The following SERPINF1 variants were observed in gnomAD, a reference collection of about 807,000 sequenced individuals.
SERPINF1 encodes pigment epithelium-derived factor.
In SERPINF1, 29 loss-of-function variants were observed where a neutral mutation model predicts 37.3. The ratio of observed to expected loss-of-function variants is 0.78; its 90% CI spans 0.58 to 1.06. The LOEUF (loss-of-function observed/expected upper bound fraction) is 1.06. Among genes scored for constraint, SERPINF1 ranks in the 50% least tolerant of loss-of-function variants. The pLI is 0.00. For missense variants in SERPINF1, 553 were observed against 532.2 expected (o/e 1.04, Z -0.38); for synonymous variants, 281 against 227.9 (o/e 1.23, Z -2.10).
In SERPINF1 at chr17:1,772,250, G is replaced by C. The variant is rs571600331; in HGVS notation, c.643+175G>C. On this transcript the variant is annotated intron_variant, in intron 5 of 7. Coordinates refer to ENST00000254722, the MANE Select transcript of SERPINF1 (RefSeq NM_002615.7). ...TTGTGCCTCAGCCTCCCGAGTAGCT[G>C]GGATTACAGGGATGTACCACCACTC... Among the ~76,000 whole-genome samples, 9 of 151,970 alleles carry C rather than the reference G, an allele frequency of 5.9e-5. No individual in the cohort carries two copies. In the East Asian group the frequency reaches 1.6e-3, roughly 26 times the overall value.
chr17:1,764,845 C>T (rs1276233766), intron 1 of SERPINF1, among the ~76,000 whole-genome samples: 25 of 132,162 alleles, frequency 1.9e-4, no homozygotes, highest in Non-Finnish European at 2.3e-4. Flanking sequence ...TTTTTTTTTC[C>T]TTTTTTTTTT....
At position 1,777,380 on chromosome 17, in the gene SERPINF1, A is replaced by G; in HGVS notation, c.1191A>G (p.Val397=). The G allele has an allele frequency of 6.2e-7, 1 of 1,614,016 alleles. No homozygotes were observed. Residue 397 remains valine, a synonymous_variant, in exon 8 of 8, where the codon GTA becomes GTG. Coordinates refer to ENST00000254722, the MANE Select transcript of SERPINF1 (RefSeq NM_002615.7). ...DYHLNQPFIF[V]LRDTDTGALL... ...ACCTTAACCAGCCTTTCATCTTCGTACTGAGGGACACAGACACAGGGGCCC... is the reference window on the plus strand; with the variant it reads ...ACCTTAACCAGCCTTTCATCTTCGTGCTGAGGGACACAGACACAGGGGCCC...
At chr17:1,770,410 T>C (rs1380469271) in intron 3 of SERPINF1, 12 of 387,192 alleles carry the variant, frequency 3.1e-5, no homozygotes, top group Non-Finnish European at 4.8e-5. Context: ...AGGACACAGC[T>C]GGGTTCACAG....
At chr17:1,767,778 C>T (rs1314305304) in intron 2 of SERPINF1, among the ~76,000 whole-genome samples, 1 of 152,200 alleles carries the variant, frequency 6.6e-6, no homozygotes, top group African/African-American at 2.4e-5. Flanking sequence ...CCTAGACAAC[C>T]CTTACCTCAG....
chr17:1,776,993 C>T (rs1908076089), intron 7 of SERPINF1, among the ~76,000 whole-genome samples, 194 bp from the exon 8 acceptor site: 1 of 151,624 alleles, frequency 6.6e-6, no homozygotes, highest in African/African-American at 2.4e-5. Context: ...GTCTGTCTGA[C>T]CTGTTTTCTC....
chr17:1,768,062 C>T (rs376762604), intron 2 of SERPINF1, among the ~76,000 whole-genome samples: 22 of 151,972 alleles, frequency 1.4e-4, no homozygotes, highest in East Asian at 3.9e-4. Flanking sequence ...AATTACCAGG[C>T]GTGGTGGCAA....
intron 5 of SERPINF1, 90 bp downstream of exon 5, chr17:1,772,165 G>A: frequency 7.4e-7 from 1 of 1,346,808 alleles, no homozygotes; most frequent in Non-Finnish European, 1.0e-6. Flanking sequence ...AGTCCTAACT[G>A]GAGTGCAGTG....
rs146337776 is a variant in SERPINF1 at position 1,772,000 on chromosome 17, G to A, written c.568G>A (p.Gly190Arg). 2 of 1,613,856 alleles carry A rather than the reference G, an allele frequency of 1.2e-6. No individual in the cohort carries two copies. Among genetic ancestry groups the A allele is most frequent in the Non-Finnish European group, 1.7e-6 (2 of 1,180,016 alleles). The change falls in exon 5 of 8, where the codon GGG (glycine) becomes AGG (arginine). Residue 190 changes from glycine (G) to arginine (R), a missense_variant. Physicochemically the swap from Gly to Arg is moderately radical, Grantham distance 125. Coordinates refer to ENST00000254722, the MANE Select transcript of SERPINF1 (RefSeq NM_002615.7). ...INNWVQAQMK[G>R]KLARSTKEIP... ...CAACTGGGTGCAGGCGCAGATGAAA[G>A]GGAAGCTCGCCAGGTCCACAAAGGA...
At chr17:1,770,144 C>T in intron 3 of SERPINF1, 94 bp downstream of exon 3, 2 of 1,396,750 alleles carry the variant, frequency 1.4e-6, no homozygotes, top group Middle Eastern at 2.2e-4. Context: ...CATTTCAGTT[C>T]AGCGAGGGGT....
chr17:1,763,518 C>T (rs552876182), intron 1 of SERPINF1, among the ~76,000 whole-genome samples: 2 of 152,292 alleles, frequency 1.3e-5, no homozygotes, highest in South Asian at 4.1e-4. Context: ...AGCCAGCGGT[C>T]GCCTGCTCAG....
Position 1,769,966 on chromosome 17 carries a change from C to G in SERPINF1, c.199C>G (p.Arg67Gly). 1 of 1,614,154 alleles carries G rather than the reference C, an allele frequency of 6.2e-7. No individual in the cohort carries two copies. The highest frequency in any genetic ancestry group is 8.5e-7 in the Non-Finnish European group (1 of 1,179,992). Residue 67 changes from arginine to glycine, a missense_variant, in exon 3 of 8, where the codon CGG (arginine) becomes GGG (glycine). Transcript: ENST00000254722. ...AVSNFGYDLY[R>G]VRSSTSPTTN... ...CTCCAACTTCGGCTATGACCTGTAC[C>G]GGGTGCGATCCAGCACGAGCCCCAC... is the stretch of plus-strand genomic sequence containing the variant.
intron 5 of SERPINF1, 92 bp from the exon 6 acceptor site, chr17:1,774,966 C>G: frequency 6.4e-7 from 1 of 1,554,394 alleles, no homozygotes; most frequent in Non-Finnish European, 8.9e-7. Flanking sequence ...TTGAGTGGGG[C>G]AATTTTCAAC....
intron 6 of SERPINF1, chr17:1,776,309 C>A: frequency 3.3e-6 from 2 of 598,168 alleles, no homozygotes; most frequent in Non-Finnish European, 6.0e-6. Context: ...TGGTATTAGG[C>A]CAAGGTAAGA....
Position 1,776,618 on chromosome 17 carries a change from G to C in SERPINF1, c.873G>C (p.Glu291Asp). Reference protein sequence around the residue: ...KVTQNLTLIEESLTSEFIHDI... With the variant: ...KVTQNLTLIEDSLTSEFIHDI... The stretch of plus-strand genomic sequence containing the variant: ...CCCAGAATTTGACCTTGATAGAGGA[G>C]AGCCTCACCTCCGAGTTCATTCATG... Residue 291 changes from glutamate (E) to aspartate (D), a missense_variant, in exon 7 of 8, where the codon GAG becomes GAC. Glu to Asp is a conservative substitution (Grantham distance 45). Coordinates refer to ENST00000254722, the MANE Select transcript of SERPINF1 (RefSeq NM_002615.7). 6.2e-7 allele frequency: 1 copy of C among 1,614,076 alleles called. No individual in the cohort carries two copies. Among genetic ancestry groups the C allele is most frequent in the Non-Finnish European group, 8.5e-7 (1 of 1,180,030 alleles).
intron 1 of SERPINF1, among the ~76,000 whole-genome samples, chr17:1,764,348 G>A (rs755601789): frequency 6.6e-6 from 1 of 152,220 alleles, no homozygotes; most frequent in Non-Finnish European, 1.5e-5. Flanking sequence ...GGGGAGGCAG[G>A]CTCCTGGCAG....
chr17:1,773,756 C>T (rs1907877168), intron 5 of SERPINF1, among the ~76,000 whole-genome samples: 1 of 152,150 alleles, frequency 6.6e-6, no homozygotes. Context: ...TCCTTCTAGG[C>T]TGTGGTGATG....
At chr17:1,772,277 C>T (rs1482113074) in intron 5 of SERPINF1, among the ~76,000 whole-genome samples, 2 of 151,858 alleles carry the variant, frequency 1.3e-5, no homozygotes, top group Non-Finnish European at 2.9e-5. Context: ...CCACCACTCC[C>T]GGCTAATTTT....
At chr17:1,766,684 A>AG in intron 1 of SERPINF1, 1 of 550,528 alleles carries the variant, frequency 1.8e-6, no homozygotes, top group Non-Finnish European at 3.2e-6. Flanking sequence ...GCCCTGAGGC[A>AG]GGGGGAGGGG....
chr17:1,764,188 CAAAA>C (rs560671723), intron 1 of SERPINF1, among the ~76,000 whole-genome samples: 1 of 151,858 alleles, frequency 6.6e-6, no homozygotes, highest in Non-Finnish European at 1.5e-5. Flanking sequence ...GTCTCAAAAA[CAAAA>C]AAAACTATGC....
Sources: allele counts gnomAD v4.1 joint callset (sites outside exome capture counted in the v4.1 genomes callset), GRCh38; gene constraint gnomAD v4.1.1; transcripts MANE v1.5; gene names NCBI Gene and HGNC (gene_info 2026-07-23, HGNC 2026-07-21).